Variants in FRRS1 observed in about 807,000 individuals in gnomAD.
FRRS1 encodes ferric chelate reductase 1.
FRRS1 carries 51 observed loss-of-function variants against 70.7 expected under a neutral mutation model. The observed-to-expected ratio is 0.72, with a 90% confidence interval of 0.58 to 0.91. The LOEUF is 0.91. Ranked by LOEUF, FRRS1 falls within the 40% of genes least tolerant of loss-of-function variation. The pLI, the probability that FRRS1 is intolerant of heterozygous loss-of-function variation, is 0.00. For missense variants in FRRS1, 672 were observed against 726.0 expected (o/e 0.93, Z 0.86); for synonymous variants, 225 against 238.7 (o/e 0.94, Z 0.53).
At chr1:99,752,394 T>C (rs1656612728) in intron 1 of FRRS1, among the ~76,000 whole-genome samples, 1 of 152,210 alleles carries the variant, frequency 6.6e-6, no homozygotes, top group Non-Finnish European at 1.5e-5. Context: ...GGTTCTTAAA[T>C]GGCCCAATTT....
intron 7 of FRRS1, among the ~76,000 whole-genome samples, chr1:99,735,579 T>C (rs1381466496): frequency 1.3e-5 from 2 of 152,158 alleles, no homozygotes. Flanking sequence ...ATGATTCATT[T>C]CCCCCAAGTT....
At chr1:99,752,848 C>A (rs1279128695) in intron 1 of FRRS1, among the ~76,000 whole-genome samples, 1 of 152,060 alleles carries the variant, frequency 6.6e-6, no homozygotes, top group Non-Finnish European at 1.5e-5. Flanking sequence ...AAAAATGGTG[C>A]CAACAGACTT....
chr1:99,736,700 C>T (rs2100956059), intron 7 of FRRS1, among the ~76,000 whole-genome samples: 1 of 149,256 alleles, frequency 6.7e-6, no homozygotes, highest in South Asian at 2.2e-4. Context: ...AGCACACCAA[C>T]ATGGCACATG....
Position 99,747,444 on chromosome 1 carries a change from A to C in FRRS1, c.197-14T>G, listed in dbSNP as rs1299940235. The C allele has an allele frequency of 6.2e-7, 1 of 1,604,416 alleles. No homozygotes were observed. Among genetic ancestry groups the C allele is most frequent in the Admixed American group, 1.7e-5 (1 of 57,246 alleles). On this transcript the variant is annotated splice_polypyrimidine_tract_variant and intron_variant, in intron 3 of 16. Coordinates refer to ENST00000646001, the MANE Select transcript of FRRS1 (RefSeq NM_001361041.2). The stretch of plus-strand genomic sequence containing the variant: ...CTGACAAAGTAACTGAGAAAAAGAC[A>C]AAAGGGTTGGTTAAAAAGCTTAGTA...
rs1221670427 is a variant in FRRS1, at chr1:99,705,041, T to C, written c.*3987A>G. Among the ~76,000 whole-genome samples, 6 of 152,324 alleles carry C rather than the reference T, an allele frequency of 3.9e-5. No homozygotes were observed. The highest frequency in any genetic ancestry group is 1.9e-4 in the East Asian group (1 of 5,178). ...TCCTTGCAATAAGGCAGGGGTCTAA[T>C]TGAGCTAACACAAGCTAACTATGGA... On this transcript the variant is annotated 3_prime_UTR_variant, in exon 17 of 17. Transcript: ENST00000646001.
At position 99,735,223 on chromosome 1, in the gene FRRS1, G is replaced by A. The variant is rs114646147; in HGVS notation, c.759+2863C>T. Among the ~76,000 whole-genome samples the A allele has an allele frequency of 2.7e-3, 412 of 152,236 alleles. 1 individual carries two copies. Among genetic ancestry groups the A allele is most frequent in the Non-Finnish European group, 5.1e-3 (348 of 68,024 alleles). On this transcript the variant is annotated intron_variant, in intron 7 of 16. Transcript: ENST00000646001. ...TATGTAGCCTCACTTAAAGTCAGAG[G>A]CTCCAAGAACCTATTGACGACATGA...
intron 4 of FRRS1, among the ~76,000 whole-genome samples, chr1:99,744,861 T>C (rs1339245940): frequency 6.7e-6 from 1 of 149,468 alleles, no homozygotes; most frequent in Non-Finnish European, 1.5e-5. Flanking sequence ...TCCCACCTAC[T>C]CGGGAGGCTG....
chr1:99,744,128 C>G (rs984101563), intron 4 of FRRS1, among the ~76,000 whole-genome samples: 1 of 150,592 alleles, frequency 6.6e-6, no homozygotes, highest in African/African-American at 2.4e-5. Context: ...GCTATGCCAA[C>G]AGATGCAAAA....
chr1:99,734,011 C>T (rs2095787), intron 7 of FRRS1, among the ~76,000 whole-genome samples: 74,396 of 151,548 alleles, frequency 0.49, 22,087 homozygotes, highest in African/African-American at 0.84. Flanking sequence ...ATATCCCTTA[C>T]ATAGCATTTG....
intron 1 of FRRS1, chr1:99,765,848 T>C (rs1657330524): frequency 6.6e-6 from 1 of 152,198 alleles, no homozygotes; most frequent in Non-Finnish European, 1.5e-5. Flanking sequence ...GAGCTTGCAG[T>C]GAGCCGAGAT....
intron 9 of FRRS1, among the ~76,000 whole-genome samples, chr1:99,721,638 G>A (rs1439333379): frequency 6.8e-5 from 10 of 147,434 alleles, no homozygotes; most frequent in South Asian, 2.1e-4. Flanking sequence ...TCACTCTGTC[G>A]CCCAGGCTGG....
rs1553169357 is a variant in FRRS1, at chr1:99,708,625, A to AAATATAT, written c.*402_*403insATATATT. On this transcript the variant is annotated 3_prime_UTR_variant, in exon 17 of 17. Transcript: ENST00000646001. ...AAAAAAAAAAAAAAAAAAAAAAAAA[A>AAATATAT]ATATATATATATATATATATATATA... The AAATATAT allele has an allele frequency of 3.8e-5, 2 of 52,734 alleles. No individual in the cohort carries two copies. The highest frequency in any genetic ancestry group is 6.1e-5 in the Non-Finnish European group (2 of 32,522). The allele number at this position is 52,734 out of a possible 1,614,324, so 3.3% of individuals were successfully genotyped here.
rs573764016 is a variant in FRRS1 at position 99,760,137 on chromosome 1, T to C, written c.-106+6470A>G. Among the ~76,000 whole-genome samples, 16 of 152,326 alleles carry C rather than the reference T, an allele frequency of 1.1e-4. No homozygotes were observed. In the East Asian group the frequency reaches 3.1e-3, roughly 29 times the overall value. On this transcript the variant is annotated intron_variant, in intron 1 of 16. Coordinates refer to ENST00000646001, the MANE Select transcript of FRRS1 (RefSeq NM_001361041.2). ...GAACTAAAACTCCAGAAAGAATGAA[T>C]GTAAAAATCCATAGATGCCTGAAAA...
At chr1:99,749,462 G>C (rs187440422) in intron 1 of FRRS1, among the ~76,000 whole-genome samples, 1 of 152,270 alleles carries the variant, frequency 6.6e-6, no homozygotes, top group East Asian at 1.9e-4. Context: ...CGTCATCCTA[G>C]AAAGCTTAAA....
intron 6 of FRRS1, among the ~76,000 whole-genome samples, chr1:99,738,579 T>C (rs1655795872): frequency 6.6e-6 from 1 of 152,178 alleles, no homozygotes; most frequent in African/African-American, 2.4e-5. Flanking sequence ...ATTAAGTAAG[T>C]TTTGGAGCAA....
chr1:99,763,438 T>C (rs991763704), intron 1 of FRRS1, among the ~76,000 whole-genome samples: 2 of 152,158 alleles, frequency 1.3e-5, no homozygotes, highest in Non-Finnish European at 1.5e-5. Context: ...TAATAATATC[T>C]GATATAAGCA....
At chr1:99,739,893 T>G (rs556262082) in intron 6 of FRRS1, among the ~76,000 whole-genome samples, 1 of 152,084 alleles carries the variant, frequency 6.6e-6, no homozygotes, top group African/African-American at 2.4e-5. Context: ...TTTTTTTTAT[T>G]GTATCCACTT....
chr1:99,721,256 G>A (rs554866475), intron 9 of FRRS1, among the ~76,000 whole-genome samples: 1 of 151,948 alleles, frequency 6.6e-6, no homozygotes, highest in Admixed American at 6.6e-5. Flanking sequence ...GTGGGCACCT[G>A]TAATCCCAGC....
At chr1:99,731,734 A>T (rs1655398850) in intron 7 of FRRS1, among the ~76,000 whole-genome samples, 1 of 152,218 alleles carries the variant, frequency 6.6e-6, no homozygotes, top group East Asian at 1.9e-4. Flanking sequence ...ACTACAACAG[A>T]GTTTAGTAGC....
Sources: gnomAD v4.1 joint callset for allele counts (sites outside exome capture counted in the v4.1 genomes callset) on GRCh38, gnomAD v4.1.1 for gene constraint, MANE v1.5 for transcripts, NCBI Gene and HGNC (gene_info 2026-07-23, HGNC 2026-07-21) for gene names.